The following BICRA variants were observed in gnomAD, a reference collection of about 807,000 sequenced individuals.
BICRA encodes BRD4-interacting chromatin-remodeling complex-associated protein.
Under a neutral mutation model 96.9 loss-of-function variants are expected in BICRA, and 31 were observed. The observed-to-expected ratio is 0.32, with a 90% CI of 0.24 to 0.43. The LOEUF is 0.43. Among genes scored for constraint, BICRA ranks in the 20% least tolerant of loss-of-function variants. The pLI is 1.00. For missense variants in BICRA, 2,283 were observed against 2,190.3 expected (o/e 1.04, Z -0.84); for synonymous variants, 1,350 against 1,071.8 (o/e 1.26, Z -5.07).
chr19:47,701,291 C>A lies in BICRA; in HGVS notation c.3596-37C>A, dbSNP rs372200026. 26 of 1,531,996 alleles carry A rather than the reference C, an allele frequency of 1.7e-5. No homozygotes were observed. The highest frequency in any genetic ancestry group is 2.3e-5 in the Non-Finnish European group (26 of 1,115,626). 94.9% of individuals were successfully genotyped at this position (1,531,996 alleles called of 1,614,324 possible). On this transcript the variant is annotated intron_variant, in intron 14 of 14. Coordinates refer to ENST00000594866, the MANE Select transcript of BICRA (RefSeq NM_001394372.1). This position sits in a 1 kb window ranked among gnomAD's most constrained non-coding sequence, Gnocchi z 5.4. Reference sequence around the variant, plus strand: ...CCCAGCTCGGTCGGGGGGTCCTCATCCTAACCCCGCGGGTTTTCTTTGCCC... The same window carrying A: ...CCCAGCTCGGTCGGGGGGTCCTCATACTAACCCCGCGGGTTTTCTTTGCCC...
intron 1 of BICRA, among the ~76,000 whole-genome samples, chr19:47,609,828 G>A (rs985499236): frequency 6.6e-6 from 1 of 152,014 alleles, no homozygotes; most frequent in African/African-American, 2.4e-5. Context: ...GGGGAAGGAG[G>A]CCACCGGGGC....
chr19:47,660,311 C>A (rs939686138), intron 1 of BICRA, among the ~76,000 whole-genome samples: 2 of 152,162 alleles, frequency 1.3e-5, no homozygotes, highest in Non-Finnish European at 2.9e-5. Context: ...GTGACTTCTC[C>A]TTTGCTGTTA....
At chr19:47,613,753 G>A (rs1272621816) in intron 1 of BICRA, among the ~76,000 whole-genome samples, 5 of 151,872 alleles carry the variant, frequency 3.3e-5, no homozygotes, top group African/African-American at 4.9e-5. Context: ...TCCTGGTTCC[G>A]TCCCTCGCAT....
Position 47,675,356 on chromosome 19 carries a change from TG to T in BICRA, c.85-493del, listed in dbSNP as rs1382778484. Among the ~76,000 whole-genome samples the T allele has an allele frequency of 1.3e-5, 2 of 152,140 alleles. No individual in the cohort carries two copies. Among genetic ancestry groups the T allele is most frequent in the African/African-American group, 4.8e-5 (2 of 41,428 alleles). On this transcript the variant is annotated intron_variant, in intron 4 of 14. Coordinates refer to ENST00000594866, the MANE Select transcript of BICRA (RefSeq NM_001394372.1). This position sits in a 1 kb window ranked among gnomAD's most constrained non-coding sequence, Gnocchi z 4.7. The stretch of plus-strand genomic sequence containing the variant: ...CAGGGCCTGTTCTGGGCACTAAGGA[TG>T]GTGCTAAGCATCTGAGAATGCCCTG...
chr19:47,682,140 T>C lies in BICRA; in HGVS notation c.2271T>C (p.Ala757=), dbSNP rs1973073908. 6.8e-7 allele frequency: 1 copy of C among 1,462,264 alleles called. No individual in the cohort carries two copies. The highest frequency in any genetic ancestry group is 9.2e-7 in the Non-Finnish European group (1 of 1,082,956). 90.6% of individuals were successfully genotyped at this position (1,462,264 alleles called of 1,614,324 possible). ...PQAPDSQASP[A]PAPQIPAAAP... ...CCCCCGACAGCCAGGCTTCCCCGGC[T>C]CCGGCCCCCCAGGTAGAGGGACCCC... Residue 757 remains alanine, a synonymous_variant, in exon 7 of 15, where the codon GCT becomes GCC. Coordinates refer to ENST00000594866, the MANE Select transcript of BICRA (RefSeq NM_001394372.1).
intron 1 of BICRA, among the ~76,000 whole-genome samples, chr19:47,619,395 A>G (rs1972032263): frequency 6.6e-6 from 1 of 151,706 alleles, no homozygotes; most frequent in Non-Finnish European, 1.5e-5. Context: ...AGTAGCTGGG[A>G]TTATAGGCGC....
intron 2 of BICRA, among the ~76,000 whole-genome samples, chr19:47,671,224 T>C (rs1972857648): frequency 6.6e-6 from 1 of 152,126 alleles, no homozygotes; most frequent in South Asian, 2.1e-4. Flanking sequence ...CACTGAGCAC[T>C]GGGGATGGAG....
At chr19:47,645,314 T>C (rs1328324053) in intron 1 of BICRA, among the ~76,000 whole-genome samples, 1 of 152,046 alleles carries the variant, frequency 6.6e-6, no homozygotes, top group Admixed American at 6.6e-5. Flanking sequence ...GTTTGTTGGA[T>C]GTTTCCTCTC....
At chr19:47,622,985 C>T (rs1972087684) in intron 1 of BICRA, among the ~76,000 whole-genome samples, 1 of 150,446 alleles carries the variant, frequency 6.6e-6, no homozygotes. Context: ...TGCAATGAGC[C>T]GAGATAGTGC....
intron 1 of BICRA, among the ~76,000 whole-genome samples, chr19:47,614,464 A>G (rs1971954893): frequency 6.6e-6 from 1 of 152,222 alleles, no homozygotes; most frequent in Non-Finnish European, 1.5e-5. Flanking sequence ...TAAAAATACA[A>G]AAATGAGCTG....
At chr19:47,694,041 A>C (rs1973282826) in intron 7 of BICRA, 74 bp from the exon 8 acceptor site, 5 of 1,434,110 alleles carry the variant, frequency 3.5e-6, no homozygotes, top group Non-Finnish European at 4.6e-6. Context: ...TGGGGACCCC[A>C]GTGTCTTGGG....
chr19:47,658,102 C>T (rs965588365), intron 1 of BICRA, among the ~76,000 whole-genome samples: 2 of 152,194 alleles, frequency 1.3e-5, no homozygotes, highest in Admixed American at 1.3e-4. Flanking sequence ...GATTCTGCCT[C>T]TTTAGCCAAA....
intron 1 of BICRA, among the ~76,000 whole-genome samples, chr19:47,623,523 C>T (rs1972095193): frequency 6.6e-6 from 1 of 152,222 alleles, no homozygotes; most frequent in Non-Finnish European, 1.5e-5. Flanking sequence ...TTCAGACTCA[C>T]ACTCAGGCTT....
chr19:47,609,664 G>T (rs1568542569), intron 1 of BICRA, among the ~76,000 whole-genome samples: 1 of 151,836 alleles, frequency 6.6e-6, no homozygotes, highest in African/African-American at 2.4e-5. Flanking sequence ...TTTCGGGGAA[G>T]GCGAAGGCCA....
chr19:47,654,722 G>C (rs866326575), intron 1 of BICRA, among the ~76,000 whole-genome samples: 1 of 151,584 alleles, frequency 6.6e-6, no homozygotes, highest in Non-Finnish European at 1.5e-5. Flanking sequence ...GGAGGCTGAG[G>C]TGGGAAGATT....
chr19:47,685,746 T>A (rs1413975637), intron 7 of BICRA, among the ~76,000 whole-genome samples: 2 of 105,562 alleles, frequency 1.9e-5, no homozygotes, highest in Non-Finnish European at 3.9e-5. Context: ...AGCCTCTGTG[T>A]GTGTGTGTGT....
intron 1 of BICRA, among the ~76,000 whole-genome samples, chr19:47,609,842 C>T (rs1362093737): frequency 1.3e-5 from 2 of 151,976 alleles, no homozygotes; most frequent in Non-Finnish European, 2.9e-5. Flanking sequence ...CCGGGGCTCC[C>T]CCCTTCGCAC....
At chr19:47,660,666 G>A (rs1232481729) in intron 1 of BICRA, among the ~76,000 whole-genome samples, 2 of 152,288 alleles carry the variant, frequency 1.3e-5, no homozygotes, top group East Asian at 1.9e-4. Flanking sequence ...GGACCTGGCC[G>A]GGTGAGTGGC....
chr19:47,624,924 G>A (rs1243587479), intron 1 of BICRA, among the ~76,000 whole-genome samples: 2 of 149,514 alleles, frequency 1.3e-5, no homozygotes, highest in African/African-American at 2.5e-5. Context: ...GAACTCCCGG[G>A]CTCAAGTGAT....
Sources: allele counts gnomAD v4.1 joint callset (sites outside exome capture counted in the v4.1 genomes callset), GRCh38; gene constraint gnomAD v4.1.1; non-coding constraint Gnocchi (gnomAD v3.1); transcripts MANE v1.5; gene names NCBI Gene and HGNC (gene_info 2026-07-23, HGNC 2026-07-21).